The following FANCA variants were observed in gnomAD, a reference collection of about 807,000 sequenced individuals.
FANCA encodes FA complementation group A.
A neutral mutation model predicts 194.3 loss-of-function variants in FANCA; 236 were observed. The observed-to-expected ratio is 1.21, with a 90% confidence interval of 1.09 to 1.35. The LOEUF is 1.35. Ranked by LOEUF, FANCA falls within the 40% of genes most tolerant of loss-of-function variation. FANCA has a pLI of 0.00. For synonymous variants in FANCA, 1,014 were observed against 715.8 expected (o/e 1.42, Z -6.65); for missense variants, 2,628 against 1,813.9 (o/e 1.45, Z -8.15).
chr16:89,803,145 C>T (rs984338165), intron 8 of FANCA, 114 bp downstream of exon 8: 2 of 1,026,330 alleles, frequency 1.9e-6, no homozygotes, highest in African/African-American at 1.6e-5. Context: ...TCACATGTAC[C>T]CCGTAAATAG....
At chr16:89,779,570 G>T (rs947808747) in intron 18 of FANCA, among the ~76,000 whole-genome samples, 1 of 152,110 alleles carries the variant, frequency 6.6e-6, no homozygotes, top group South Asian at 2.1e-4. Context: ...TTTTACAGAG[G>T]AAAAAATGTT....
At chr16:89,803,466 G>T in intron 7 of FANCA, 125 bp from the exon 8 acceptor site, 1 of 845,754 alleles carries the variant, frequency 1.2e-6, no homozygotes, top group Non-Finnish European at 2.0e-6. Flanking sequence ...GGACCCCTGT[G>T]AGCTGCTCCT....
intron 5 of FANCA, among the ~76,000 whole-genome samples, chr16:89,808,959 G>A (rs2040770765): frequency 6.6e-6 from 1 of 151,572 alleles, no homozygotes; most frequent in African/African-American, 2.4e-5. Flanking sequence ...AGGCTGGAGT[G>A]CAGTGGCGCC....
chr16:89,807,458 G>GA (rs888500248), intron 6 of FANCA, among the ~76,000 whole-genome samples: 7 of 148,752 alleles, frequency 4.7e-5, no homozygotes, highest in Admixed American at 1.3e-4. Flanking sequence ...GTCTCAAAAA[G>GA]AAAAAAAAAG....
chr16:89,791,672 G>T, intron 13 of FANCA, 136 bp from the exon 14 acceptor site: 1 of 1,250,752 alleles, frequency 8.0e-7, no homozygotes. Context: ...AGACTACACA[G>T]CAATTACAGC....
intron 11 of FANCA, among the ~76,000 whole-genome samples, chr16:89,793,939 A>G (rs953262665): frequency 2.0e-5 from 3 of 151,724 alleles, no homozygotes; most frequent in Non-Finnish European, 4.4e-5. Flanking sequence ...TTTAGTAGAG[A>G]TGGGGTTTCA....
intron 30 of FANCA, among the ~76,000 whole-genome samples, chr16:89,753,988 A>G (rs2038685269): frequency 6.6e-6 from 1 of 152,232 alleles, no homozygotes; most frequent in African/African-American, 2.4e-5. Flanking sequence ...TGGAAGGCGG[A>G]GGTTGCAGAC....
At chr16:89,789,018 T>C (rs1459419789) in intron 14 of FANCA, among the ~76,000 whole-genome samples, 2 of 152,002 alleles carry the variant, frequency 1.3e-5, no homozygotes, top group Non-Finnish European at 2.9e-5. Context: ...GGGAGACACC[T>C]GAGCCGCGGC....
In FANCA at chr16:89,740,789, T is replaced by G. The variant is rs1241597266; in HGVS notation, c.3828+15A>C. 1 of 1,612,084 alleles carries G rather than the reference T, an allele frequency of 6.2e-7. No individual in the cohort carries two copies. The highest frequency in any genetic ancestry group is 8.5e-7 in the Non-Finnish European group (1 of 1,178,796). ...CAGTGGGAGAGGACACCTTGGCTGG[T>G]AAGGTCTGACTTACATTTGAGGTCA... is the stretch of plus-strand genomic sequence containing the variant. On this transcript the variant is annotated intron_variant, in intron 38 of 42. Transcript: ENST00000389301.
intron 6 of FANCA, among the ~76,000 whole-genome samples, chr16:89,805,603 C>T (rs1262549692): frequency 1.3e-5 from 2 of 152,050 alleles, no homozygotes; most frequent in African/African-American, 2.4e-5. Context: ...GGACAACAGG[C>T]GCATACCACC....
rs1188842855 is a variant in FANCA at position 89,746,669 on chromosome 16, A to C, written c.3428T>G (p.Leu1143Arg). The change falls in exon 35 of 43, where the codon CTG (leucine) becomes CGG (arginine). Residue 1143 changes from leucine (L) to arginine (R), a missense_variant. Transcript: ENST00000389301. ...HFFRGLLNAC[L>R]RSRDPSLMVD... ...CATCAGGGAGGGGTCTCTGCTCCGC[A>C]GACAGGCGTTCAGGAGGCCCTGCAG... The C allele has an allele frequency of 6.2e-7, 1 of 1,614,170 alleles. No individual in the cohort carries two copies. The highest frequency in any genetic ancestry group is 1.7e-5 in the Admixed American group (1 of 60,014).
chr16:89,788,175 T>C (rs190079351), intron 14 of FANCA, among the ~76,000 whole-genome samples: 17 of 152,242 alleles, frequency 1.1e-4, no homozygotes, highest in Middle Eastern at 3.4e-3. Flanking sequence ...TTAAAACAGA[T>C]GTTCAGGCCA....
intron 14 of FANCA, among the ~76,000 whole-genome samples, chr16:89,785,871 T>TTTTTG (rs1567631364): frequency 6.7e-6 from 1 of 149,598 alleles, no homozygotes; most frequent in Non-Finnish European, 1.5e-5. Context: ...TTTTTTTTTT[T>TTTTTG]GGAGACAGAG....
At chr16:89,771,551 G>A (rs1189924482) in intron 23 of FANCA, 127 bp downstream of exon 23, 3 of 1,098,918 alleles carry the variant, frequency 2.7e-6, no homozygotes, top group Admixed American at 3.7e-5. Context: ...CCTGGCCCTG[G>A]AACATCTGAT....
chr16:89,771,287 C>T (rs1286105309), intron 23 of FANCA, among the ~76,000 whole-genome samples: 1 of 151,970 alleles, frequency 6.6e-6, no homozygotes, highest in Non-Finnish European at 1.5e-5. Context: ...AGAGAAACCC[C>T]AACTGTACAA....
intron 21 of FANCA, among the ~76,000 whole-genome samples, chr16:89,774,729 CAAAAAAAAAA>C (rs780078944): frequency 2.3e-4 from 5 of 22,200 alleles, no homozygotes; most frequent in Non-Finnish European, 4.1e-4. Context: ...GACTCTGTCT[CAAAAAAAAAA>C]AAAAAAAAAA....
At position 89,782,888 on chromosome 16, in the gene FANCA, C is replaced by A. The variant is rs1388498490; in HGVS notation, c.1597G>T (p.Asp533Tyr). The A allele has an allele frequency of 6.2e-7, 1 of 1,614,152 alleles. No individual in the cohort carries two copies. The highest frequency in any genetic ancestry group is 1.7e-5 in the Admixed American group (1 of 60,022). Residue 533 changes from aspartate to tyrosine, a missense_variant, in exon 17 of 43, where the codon GAT becomes TAT. Asp to Tyr is a radical substitution (Grantham distance 160). Transcript: ENST00000389301. The part of the protein sequence containing the change: ...VSIENMGLYE[D>Y]LSSAGDITEP... ...GTAATGTCCCCAGCTGATGACAAAT[C>A]CTCGTAGAGTCCCATGTTTTCTATA...
rs2143109078 is a variant in FANCA at position 89,746,847 on chromosome 16, G to A, written c.3392C>T (p.Thr1131Ile). Residue 1131 changes from threonine to isoleucine, a missense_variant, in exon 34 of 43, where the codon ACT (threonine) becomes ATT (isoleucine). Thr to Ile is a moderately conservative substitution (Grantham distance 89). Coordinates refer to ENST00000389301, the MANE Select transcript of FANCA (RefSeq NM_000135.4). ...GCATCTCACCCTGAAGAAGTGGGCAGTGATGTCCTGTGTCAGGGCACCTCC... is the reference window on the plus strand; with the variant it reads ...GCATCTCACCCTGAAGAAGTGGGCAATGATGTCCTGTGTCAGGGCACCTCC... ...SHGGALTQDI[T>I]AHFFRGLLNA... The A allele has an allele frequency of 6.4e-7, 1 of 1,563,376 alleles. No homozygotes were observed. The highest frequency in any genetic ancestry group is 8.7e-7 in the Non-Finnish European group (1 of 1,152,726).
At chr16:89,795,240 A>T (rs2040202698) in intron 11 of FANCA, among the ~76,000 whole-genome samples, 1 of 151,778 alleles carries the variant, frequency 6.6e-6, no homozygotes, top group South Asian at 2.1e-4. Flanking sequence ...AGCCCAAATC[A>T]CGCCACTGTA....
Sources: allele counts gnomAD v4.1 joint callset (sites outside exome capture counted in the v4.1 genomes callset), GRCh38; gene constraint gnomAD v4.1.1; transcripts MANE v1.5; gene names NCBI Gene and HGNC (gene_info 2026-07-23, HGNC 2026-07-21).